COL15A1: variants seen among roughly 807,000 people sequenced by gnomAD.
The protein encoded by COL15A1 is collagen type XV alpha 1 chain.
Under a neutral mutation model 165.9 loss-of-function variants are expected in COL15A1, and 111 were observed. The observed-to-expected ratio is 0.67, with a 90% CI of 0.57 to 0.78. The LOEUF (loss-of-function observed/expected upper bound fraction) is 0.78, where lower values mean the gene tolerates loss of function less well. Among genes scored for constraint, COL15A1 ranks in the 30% least tolerant of loss-of-function variants. The probability of loss-of-function intolerance (pLI) is 0.00; values close to 1 mark genes in which losing one functional copy is unlikely to be tolerated. For missense variants in COL15A1, 1,745 were observed against 1,789.7 expected (o/e 0.98, Z 0.45); for synonymous variants, 659 against 674.8 (o/e 0.98, Z 0.36).
intron 30 of COL15A1, among the ~76,000 whole-genome samples, chr9:99,051,956 A>G (rs942584084): frequency 6.6e-6 from 1 of 152,212 alleles, no homozygotes; most frequent in Non-Finnish European, 1.5e-5. Context: ...ATTACATGCA[A>G]TAGCTAAGCT....
At chr9:98,962,202 C>A (rs757833027) in intron 2 of COL15A1, among the ~76,000 whole-genome samples, 1 of 152,228 alleles carries the variant, frequency 6.6e-6, no homozygotes, top group African/African-American at 2.4e-5. Context: ...GAAGAATTCT[C>A]TTGCCAGGGA....
chr9:98,990,865 C>G (rs562256196), intron 5 of COL15A1, among the ~76,000 whole-genome samples: 3 of 152,178 alleles, frequency 2.0e-5, no homozygotes, highest in African/African-American at 7.2e-5. Flanking sequence ...CACGGACCCT[C>G]GCGGTGAGTG....
intron 2 of COL15A1, among the ~76,000 whole-genome samples, chr9:98,978,138 C>T (rs908509038): frequency 6.6e-6 from 1 of 152,178 alleles, no homozygotes; most frequent in South Asian, 2.1e-4. Flanking sequence ...ACATCAATTT[C>T]CCTGTCTAGA....
At chr9:98,989,023 GACACACACACACACACACAC>G (rs67974914) in intron 4 of COL15A1, among the ~76,000 whole-genome samples, 135 bp from the exon 5 acceptor site, 2 of 144,296 alleles carry the variant, frequency 1.4e-5, no homozygotes, top group African/African-American at 2.6e-5. Context: ...GTCTCTCATA[GACACACACACACACACACAC>G]ACACACACAC....
Position 99,055,359 on chromosome 9 carries a change from A to G in COL15A1, c.3179A>G (p.Asn1060Ser), listed in dbSNP as rs1435253830. ...LMSGPPGLPGNPGPAGQKGET... is the reference protein window; with the variant it reads ...LMSGPPGLPGSPGPAGQKGET... ...TCTGGGCCTCCAGGCCTGCCCGGAA[A>G]TCCAGGCCCGGCTGTGAGTAGAGAC... Residue 1060 changes from asparagine to serine, a missense_variant, in exon 34 of 42, where the codon AAT (asparagine) becomes AGT (serine). Transcript: ENST00000375001. The G allele has an allele frequency of 1.2e-6, 2 of 1,610,338 alleles. No homozygotes were observed. The highest frequency in any genetic ancestry group is 2.7e-5 in the African/African-American group (2 of 74,836).
intron 15 of COL15A1, 33 bp from the exon 16 acceptor site, chr9:99,025,871 T>A (rs1337322257): frequency 5.0e-6 from 8 of 1,606,648 alleles, no homozygotes; most frequent in Non-Finnish European, 6.8e-6. Flanking sequence ...TTAGCAGAAA[T>A]GTTGTGGGTT....
chr9:98,961,480 A>C (rs538817112), intron 2 of COL15A1, among the ~76,000 whole-genome samples: 1 of 152,276 alleles, frequency 6.6e-6, no homozygotes, highest in South Asian at 2.1e-4. Flanking sequence ...GGAGGTGGGG[A>C]TGATGGGCTG....
Position 99,011,423 on chromosome 9 carries a change from A to AAAC in COL15A1, c.1354-3993_1354-3992insACA, listed in dbSNP as rs548063268. On this transcript the variant is annotated intron_variant, in intron 9 of 41. Transcript: ENST00000375001. ...CTCTTTCTGAAAAAAAAAAAAAAAA[A>AAAC]AGTCATTTTATTCTAGGACAAAATT... Among the ~76,000 whole-genome samples, 1,058 of 135,148 alleles carry AAAC rather than the reference A, an allele frequency of 7.8e-3. 39 individuals carry two copies. The highest frequency in any genetic ancestry group is 0.021 in the East Asian group (92 of 4,310). 88.7% of individuals were successfully genotyped at this position (135,148 alleles called of 152,430 possible).
rs1564073272 is a variant in COL15A1 at position 99,035,399 on chromosome 9, C to G, written c.2270C>G (p.Ser757Cys). The change falls in exon 19 of 42, where the codon TCC becomes TGC. Residue 757 changes from serine (S) to cysteine (C), a missense_variant. By Grantham distance (112) the Ser-to-Cys change is moderately radical. Transcript: ENST00000375001. ...STQLLNEPKL[S>C]RPTAAIGLKG... ...CAGCTATTGAATGAACCCAAACTCT[C>G]CAGACCAACGGCTGCAATTGTAGGT... The G allele has an allele frequency of 2.5e-6, 4 of 1,614,180 alleles. No homozygotes were observed. The highest frequency in any genetic ancestry group is 1.6e-4 in the Middle Eastern group (1 of 6,062).
chr9:98,987,633 C>T (rs1325952292), intron 4 of COL15A1, among the ~76,000 whole-genome samples: 1 of 152,182 alleles, frequency 6.6e-6, no homozygotes, highest in Non-Finnish European at 1.5e-5. Flanking sequence ...GCCTTCTTGC[C>T]AAGAAATGGT....
intron 9 of COL15A1, among the ~76,000 whole-genome samples, chr9:99,012,414 T>A (rs1011020764): frequency 1.5e-4 from 23 of 152,078 alleles, no homozygotes; most frequent in Non-Finnish European, 1.5e-5. Context: ...ATAACAAAAA[T>A]AAATGTCTGG....
At chr9:99,050,971 C>A (rs945039392) in intron 30 of COL15A1, among the ~76,000 whole-genome samples, 3 of 152,206 alleles carry the variant, frequency 2.0e-5, no homozygotes, top group Non-Finnish European at 1.5e-5. Context: ...AGGTGACTAA[C>A]GGGCTCCAGG....
intron 2 of COL15A1, among the ~76,000 whole-genome samples, chr9:98,945,497 C>G (rs916611032): frequency 6.6e-6 from 1 of 151,632 alleles, no homozygotes; most frequent in Admixed American, 6.6e-5. Context: ...AATAAGGGAA[C>G]AGAAAGTCTA....
At chr9:99,024,806 T>A (rs1564064982) in intron 14 of COL15A1, 68 bp from the exon 15 acceptor site, 7 of 1,526,448 alleles carry the variant, frequency 4.6e-6, no homozygotes, top group African/African-American at 1.4e-5. Flanking sequence ...AGAGATTGCA[T>A]GAAGCACATA....
In COL15A1 at chr9:99,049,905, A is replaced by C. The variant is rs1259922385; in HGVS notation, c.2904+10A>C. On this transcript the variant is annotated intron_variant, in intron 30 of 41. Coordinates refer to ENST00000375001, the MANE Select transcript of COL15A1 (RefSeq NM_001855.5). ...ACACTGCAAAATGCCAGTAAGTAGC[A>C]ATCACTGCCTTAAAGAGCAGGCTTT... 6.2e-7 allele frequency: 1 copy of C among 1,614,234 alleles called. No homozygotes were observed. Among genetic ancestry groups the C allele is most frequent in the Non-Finnish European group, 8.5e-7 (1 of 1,180,036 alleles).
At chr9:98,994,839 T>G (rs906219548) in intron 5 of COL15A1, among the ~76,000 whole-genome samples, 15 of 152,086 alleles carry the variant, frequency 9.9e-5, no homozygotes, top group Non-Finnish European at 1.9e-4. Context: ...AGCCACCTAT[T>G]TGAGGCAGGT....
chr9:98,968,394 ACTC>A (rs1564016987), intron 2 of COL15A1, among the ~76,000 whole-genome samples: 1 of 151,910 alleles, frequency 6.6e-6, no homozygotes, highest in Non-Finnish European at 1.5e-5. Context: ...GCTGGGTGGC[ACTC>A]CTCCTGGGGC....
In COL15A1 at chr9:99,047,831, G is replaced by A. The variant is rs1216061850; in HGVS notation, c.2725G>A (p.Gly909Arg). The A allele has an allele frequency of 6.2e-6, 10 of 1,613,902 alleles. No individual in the cohort carries two copies. Among genetic ancestry groups the A allele is most frequent in the Middle Eastern group, 1.6e-4 (1 of 6,084 alleles). The change falls in exon 27 of 42, where the codon GGG (glycine) becomes AGG (arginine). Residue 909 changes from glycine (G) to arginine (R), a missense_variant. Gly to Arg is a moderately radical substitution (Grantham distance 125). Transcript: ENST00000375001. ...PGHKGEFGLP[G>R]RPGRPGLNGL... is the part of the protein sequence containing the mutation. ...ACATAAAGGAGAATTTGGCCTTCCC[G>A]GGCGACCTGTAGGTATCAGTGTTCA...
In COL15A1 at chr9:99,068,637, T is replaced by C. The variant is rs1337305890; in HGVS notation, c.3920T>C (p.Phe1307Ser). Reference sequence around the variant, plus strand: ...AATATGCATATTCCAATATACTCCTTTGATGGTCGAGACATAATGACAGAT... The same window carrying C: ...AATATGCATATTCCAATATACTCCTCTGATGGTCGAGACATAATGACAGAT... Reference protein sequence around the residue: ...QFNMHIPIYSFDGRDIMTDPS... With the variant: ...QFNMHIPIYSSDGRDIMTDPS... Residue 1307 changes from phenylalanine (F) to serine (S), a missense_variant, in exon 41 of 42, where the codon TTT (phenylalanine) becomes TCT (serine). Physicochemically the swap from Phe to Ser is radical, Grantham distance 155 (BLOSUM62 -2). Transcript: ENST00000375001. 6.4e-7 allele frequency: 1 copy of C among 1,563,280 alleles called. No homozygotes were observed. Among genetic ancestry groups the C allele is most frequent in the Non-Finnish European group, 8.6e-7 (1 of 1,162,726 alleles).
Sources: gnomAD v4.1 joint callset for allele counts (sites outside exome capture counted in the v4.1 genomes callset) on GRCh38, gnomAD v4.1.1 for gene constraint, MANE v1.5 for transcripts, NCBI Gene and HGNC (gene_info 2026-07-23, HGNC 2026-07-21) for gene names.